The following CCL28 variants were observed in gnomAD, a reference collection of about 807,000 sequenced individuals.
CCL28 encodes C-C motif chemokine 28.
Under a neutral mutation model 7.1 loss-of-function variants are expected in CCL28, and 4 were observed. The observed-to-expected ratio is 0.56, with a 90% CI of 0.28 to 1.29. The LOEUF is 1.29. Ranked by LOEUF, CCL28 falls within the 50% of genes most tolerant of loss-of-function variation. CCL28 has a pLI of 0.11. For synonymous variants in CCL28, 55 were observed against 57.8 expected, an observed-to-expected ratio of 0.95 and a Z score of 0.22; for missense variants, 151 against 163.4, an observed-to-expected ratio of 0.92 and a Z score of 0.41.
chr5:43,402,922 C>T (rs143475053), intron 1 of CCL28, among the ~76,000 whole-genome samples: 345 of 152,328 alleles, frequency 2.3e-3, no homozygotes, highest in African/African-American at 7.8e-3. Context: ...GCTAGCACAG[C>T]GGTCTGAGAT....
Position 43,400,986 on chromosome 5 carries a change from G to A in CCL28, c.64+11267C>T, listed in dbSNP as rs536179459. On this transcript the variant is annotated intron_variant, in intron 1 of 2. Coordinates refer to ENST00000361115, the MANE Select transcript of CCL28 (RefSeq NM_148672.3). ...TAATCCCAGCTACTCAGGAGGCTGA[G>A]ACAGGAGAATCACTTGAACCTGGGA... Among the ~76,000 whole-genome samples, 234 of 151,598 alleles carry A rather than the reference G, an allele frequency of 1.5e-3. 1 individual carries two copies. The highest frequency in any genetic ancestry group is 5.5e-3 in the African/African-American group (227 of 41,302).
At position 43,412,356 on chromosome 5, in the gene CCL28, G is replaced by A. The variant is rs1010976638; in HGVS notation, c.-40C>T. ...CTGGCACTGACAGCAACACAAGTGA[G>A]GCTGTTCGATCAGGAAATGAGGCTA... On this transcript the variant is annotated 5_prime_UTR_variant, in exon 1 of 3. Transcript: ENST00000361115. 1.9e-6 allele frequency: 3 copies of A among 1,576,256 alleles called. No homozygotes were observed. Among genetic ancestry groups the A allele is most frequent in the Admixed American group, 1.7e-5 (1 of 59,158 alleles).
At chr5:43,401,735 C>T (rs974965318) in intron 1 of CCL28, among the ~76,000 whole-genome samples, 1 of 152,150 alleles carries the variant, frequency 6.6e-6, no homozygotes, top group Non-Finnish European at 1.5e-5. Flanking sequence ...TACAGGTGCC[C>T]ATTAAATGTT....
At chr5:43,388,272 G>T in intron 2 of CCL28, 78 bp downstream of exon 2, 1 of 1,546,948 alleles carries the variant, frequency 6.5e-7, no homozygotes, top group Non-Finnish European at 8.8e-7. Context: ...ATCAAGCAAA[G>T]CCTTTCCAAC....
chr5:43,386,106 G>A (rs1040452804), intron 2 of CCL28, among the ~76,000 whole-genome samples: 2 of 152,196 alleles, frequency 1.3e-5, no homozygotes, highest in Non-Finnish European at 2.9e-5. Flanking sequence ...AAGGAATTGA[G>A]AGGAGTTGAA....
At chr5:43,401,425 C>T (rs1289433361) in intron 1 of CCL28, among the ~76,000 whole-genome samples, 1 of 152,118 alleles carries the variant, frequency 6.6e-6, no homozygotes, top group Non-Finnish European at 1.5e-5. Flanking sequence ...TAATTGTGTG[C>T]CATAAAAACA....
chr5:43,389,914 T>C (rs3797153), intron 1 of CCL28, among the ~76,000 whole-genome samples: 14,169 of 152,200 alleles, frequency 0.093, 1,368 homozygotes, highest in African/African-American at 0.25. Context: ...TAGTTCCGAA[T>C]AGGGCAACTG....
At chr5:43,392,296 T>C (rs1267072563) in intron 1 of CCL28, among the ~76,000 whole-genome samples, 1 of 152,094 alleles carries the variant, frequency 6.6e-6, no homozygotes, top group Non-Finnish European at 1.5e-5. Flanking sequence ...TTTGTATTTT[T>C]AGTAGAGACG....
chr5:43,375,172 G>T (rs971796633), downstream of CCL28, among the ~76,000 whole-genome samples: 1 of 151,372 alleles, frequency 6.6e-6, no homozygotes, highest in Non-Finnish European at 1.5e-5. Context: ...TGTATTTTTA[G>T]TACAGAAGGT....
chr5:43,384,948 G>T (rs901532567), intron 2 of CCL28, among the ~76,000 whole-genome samples: 1 of 151,090 alleles, frequency 6.6e-6, no homozygotes, highest in South Asian at 2.1e-4. Context: ...CCAGGCTGGA[G>T]TGCAGTGGCG....
chr5:43,369,043 AG>A, the CCL28 span, among the ~76,000 whole-genome samples: 5 of 8,470 alleles, frequency 5.9e-4, no homozygotes, highest in African/African-American at 3.0e-3. Flanking sequence ...AGAAAGAGAG[AG>A]AGAGAGAGAG....
chr5:43,361,997 A>G, the CCL28 span, among the ~76,000 whole-genome samples: 1 of 151,986 alleles, frequency 6.6e-6, no homozygotes, highest in African/African-American at 2.4e-5. Flanking sequence ...TCGGTTCCAT[A>G]TGAATTTTAA....
At chr5:43,377,717 CTTTTTTTTTTTTTT>C (rs767834184), downstream of CCL28, among the ~76,000 whole-genome samples, 53 of 42,714 alleles carry the variant, frequency 1.2e-3, no homozygotes, top group Non-Finnish European at 1.4e-3. Context: ...AGAACTTAAA[CTTTTTTTTTTTTTT>C]TTTTTTTTTT....
the CCL28 span, among the ~76,000 whole-genome samples, chr5:43,357,691 A>T: frequency 6.6e-6 from 1 of 150,824 alleles, no homozygotes; most frequent in African/African-American, 2.4e-5. Flanking sequence ...AAGGGGGGGA[A>T]AAAAAAGGGA....
intron 1 of CCL28, among the ~76,000 whole-genome samples, chr5:43,404,150 TAC>T (rs1741165522): frequency 1.3e-5 from 2 of 152,020 alleles, no homozygotes. Context: ...ATTCAGGAAA[TAC>T]AGAGAATGCC....
chr5:43,391,000 T>C (rs576988304), intron 1 of CCL28, among the ~76,000 whole-genome samples: 2 of 152,318 alleles, frequency 1.3e-5, no homozygotes, highest in African/African-American at 2.4e-5. Flanking sequence ...ATTTTTGAGA[T>C]TGTATCAACT....
At chr5:43,403,367 T>C (rs997083627) in intron 1 of CCL28, among the ~76,000 whole-genome samples, 3 of 152,208 alleles carry the variant, frequency 2.0e-5, no homozygotes, top group Non-Finnish European at 4.4e-5. Context: ...TTTGCTGTTC[T>C]GCAGCCTCCG....
At position 43,406,907 on chromosome 5, in the gene CCL28, C is replaced by T. The variant is rs1268878439; in HGVS notation, c.64+5346G>A. 3.9e-5 allele frequency among the ~76,000 whole-genome samples: 6 copies of T among 152,096 alleles called. 1 individual carries two copies. On this transcript the variant is annotated intron_variant, in intron 1 of 2. Coordinates refer to ENST00000361115, the MANE Select transcript of CCL28 (RefSeq NM_148672.3). ...CCATTCACAATTGCCTCAAAGAGAA[C>T]AAAATACCTTGAAATCCAACTTACA...
intron 1 of CCL28, among the ~76,000 whole-genome samples, chr5:43,407,569 T>G (rs1741338721): frequency 1.3e-5 from 2 of 152,282 alleles, no homozygotes; most frequent in Admixed American, 6.5e-5. Context: ...ATACCATACA[T>G]GCCATAGGCA....
Sources: gnomAD v4.1 joint callset for allele counts (sites outside exome capture counted in the v4.1 genomes callset) on GRCh38, gnomAD v4.1.1 for gene constraint, MANE v1.5 for transcripts, NCBI Gene and HGNC (gene_info 2026-07-23, HGNC 2026-07-21) for gene names.